The following PLPP3 variants were observed in gnomAD, a reference collection of about 807,000 sequenced individuals.
PLPP3 encodes PAP2 beta.
PLPP3 carries 6 observed loss-of-function variants against 29.6 expected under a neutral mutation model. The observed-to-expected ratio is 0.20, with a 90% CI of 0.11 to 0.40. The LOEUF (loss-of-function observed/expected upper bound fraction) is 0.40. Ranked by LOEUF, PLPP3 falls within the 10% of genes least tolerant of loss-of-function variation. PLPP3 has a pLI of 1.00. For missense variants in PLPP3, 308 were observed against 407.7 expected (o/e 0.76, Z 2.11); for synonymous variants, 152 against 159.7 (o/e 0.95, Z 0.36).
At chr1:56,564,814 G>C (rs12046509) in intron 1 of PLPP3, among the ~76,000 whole-genome samples, 6,537 of 152,244 alleles carry the variant, frequency 0.043, 342 homozygotes, top group East Asian at 0.16. Flanking sequence ...CCCTCCTGCG[G>C]TGTCACTGGA....
chr1:56,559,188 G>A (rs1202106665), intron 1 of PLPP3, among the ~76,000 whole-genome samples: 8 of 152,168 alleles, frequency 5.3e-5, no homozygotes, highest in Non-Finnish European at 1.0e-4. Flanking sequence ...AAGAAGGAGC[G>A]GGTGCGTTAG....
chr1:56,578,048 C>T (rs1646248060), intron 1 of PLPP3, among the ~76,000 whole-genome samples: 1 of 152,134 alleles, frequency 6.6e-6, no homozygotes, highest in Non-Finnish European at 1.5e-5. Context: ...ATTCCTTTAA[C>T]TCCCACCGCT....
intron 2 of PLPP3, among the ~76,000 whole-genome samples, chr1:56,528,919 T>G (rs1344052071): frequency 6.6e-6 from 1 of 151,224 alleles, no homozygotes; most frequent in Non-Finnish European, 1.5e-5. Flanking sequence ...TGTTTTGTGT[T>G]ATTTTTAACA....
intron 1 of PLPP3, 126 bp from the exon 2 acceptor site, chr1:56,537,238 C>T (rs940048012): frequency 5.5e-6 from 6 of 1,096,360 alleles, no homozygotes; most frequent in African/African-American, 1.6e-5. Flanking sequence ...GATAATCGTT[C>T]CTTCCATTTG....
chr1:56,544,928 TAA>T (rs1361402861), intron 1 of PLPP3, among the ~76,000 whole-genome samples: 3 of 152,178 alleles, frequency 2.0e-5, no homozygotes, highest in African/African-American at 7.2e-5. Context: ...TACCCAGAGT[TAA>T]GACACAGCAA....
At chr1:56,505,567 C>A (rs1645696852) in intron 5 of PLPP3, among the ~76,000 whole-genome samples, 1 of 152,196 alleles carries the variant, frequency 6.6e-6, no homozygotes, top group East Asian at 1.9e-4. Flanking sequence ...GCCTACTCAA[C>A]ATGGAAACAA....
chr1:56,552,236 A>G (rs188527228), intron 1 of PLPP3, among the ~76,000 whole-genome samples: 14,378 of 151,528 alleles, frequency 0.095, 866 homozygotes, highest in South Asian at 0.17. Context: ...AAAAAAAAAA[A>G]AAAAGAAAGA....
chr1:56,517,595 G>A (rs930922457), intron 4 of PLPP3, among the ~76,000 whole-genome samples: 2 of 152,228 alleles, frequency 1.3e-5, no homozygotes, highest in African/African-American at 4.8e-5. Flanking sequence ...CTTGCTCAAG[G>A]TAACCAAGAG....
chr1:56,563,790 T>G (rs1481230925), intron 1 of PLPP3, among the ~76,000 whole-genome samples: 1 of 152,212 alleles, frequency 6.6e-6, no homozygotes, highest in Non-Finnish European at 1.5e-5. Context: ...CATAGTGTTG[T>G]TGTGAAATCC....
rs2100265893 is a variant in PLPP3 at position 56,537,013 on chromosome 1, C to A, written c.239G>T (p.Gly80Val). The A allele has an allele frequency of 6.2e-7, 1 of 1,613,788 alleles. No homozygotes were observed. Among genetic ancestry groups the A allele is most frequent in the Non-Finnish European group, 8.5e-7 (1 of 1,179,860 alleles). ...DESIKYPLKT[G>V]ETINDAVLCA... ...GAGCACAGCGTCATTTATTGTCTCA[C>A]CAGTTTTCAGTGGGTACTTGATGCT... Residue 80 changes from glycine to valine, a missense_variant, in exon 2 of 6, where the codon GGT (glycine) becomes GTT (valine). Around this residue, in one of 3 missense-constraint regions of PLPP3, gnomAD observed 232 missense variants for 317.2 expected, o/e 0.73. Coordinates refer to ENST00000371250, the MANE Select transcript of PLPP3 (RefSeq NM_003713.5).
chr1:56,566,940 A>C (rs1393128576), intron 1 of PLPP3, among the ~76,000 whole-genome samples: 1 of 152,210 alleles, frequency 6.6e-6, no homozygotes, highest in Non-Finnish European at 1.5e-5. Flanking sequence ...AGAGGTGGGG[A>C]AAAGGGTGAA....
rs1336304261 is a variant in PLPP3, at chr1:56,579,545, T to A, written c.-529A>T. ...GCTGCCGCGGCGGCTGCTGCTGTGA[T>A]CGCCTGGGTTTGTTTTCTGCACTTT... On this transcript the variant is annotated 5_prime_UTR_variant, in exon 1 of 6. Transcript: ENST00000371250. 5.9e-6 allele frequency: 1 copy of A among 169,164 alleles called. No individual in the cohort carries two copies. The highest frequency in any genetic ancestry group is 2.4e-5 in the African/African-American group (1 of 41,530). The allele number at this position is 169,164 out of a possible 1,614,324, so 10.5% of individuals were successfully genotyped here.
intron 5 of PLPP3, 127 bp downstream of exon 5, chr1:56,511,849 G>C: frequency 8.8e-7 from 1 of 1,134,558 alleles, no homozygotes; most frequent in Non-Finnish European, 1.3e-6. Flanking sequence ...CTAAGGCCAG[G>C]TGACTCTTCA....
chr1:56,572,022 G>C (rs1340897675), intron 1 of PLPP3, among the ~76,000 whole-genome samples: 2 of 142,474 alleles, frequency 1.4e-5, no homozygotes, highest in African/African-American at 5.2e-5. Flanking sequence ...CCAGCGTTTC[G>C]ATCATTTCCA....
chr1:56,505,918 C>T (rs1569864043), intron 5 of PLPP3, among the ~76,000 whole-genome samples: 2 of 152,160 alleles, frequency 1.3e-5, no homozygotes, highest in Admixed American at 6.5e-5. Flanking sequence ...AAGATAGTGT[C>T]GTTATCTATT....
intron 1 of PLPP3, chr1:56,538,971 A>C (rs546197188): frequency 4.0e-5 from 6 of 149,558 alleles, no homozygotes; most frequent in East Asian, 1.9e-4. Flanking sequence ...AAAAAAAAAA[A>C]CACAGTGGAT....
rs1645746939 is a variant in PLPP3, at chr1:56,512,358, T to C, written c.634-206A>G. 4 of 494,854 alleles carry C rather than the reference T, an allele frequency of 8.1e-6. No homozygotes were observed. The South Asian group carries it at 1.1e-4, about 14-fold the overall frequency. 30.7% of individuals were successfully genotyped at this position (494,854 alleles called of 1,614,324 possible). ...TAGGCACGGTGGCTCACGTCTGTAA[T>C]CCCAGCACTTCGTGTGGCTGAGGTG... On this transcript the variant is annotated intron_variant, in intron 4 of 5. Coordinates refer to ENST00000371250, the MANE Select transcript of PLPP3 (RefSeq NM_003713.5).
chr1:56,556,952 G>A (rs150493852), intron 1 of PLPP3, among the ~76,000 whole-genome samples: 896 of 55,354 alleles, frequency 0.016, 9 homozygotes, highest in East Asian at 0.05. Flanking sequence ...GAGAGACAGA[G>A]AGAAAGAAAG....
chr1:56,544,984 A>G (rs1395888267), intron 1 of PLPP3, among the ~76,000 whole-genome samples: 3 of 152,168 alleles, frequency 2.0e-5, no homozygotes, highest in African/African-American at 7.2e-5. Context: ...TACATAAATC[A>G]TCACATTTGA....
Sources: gnomAD v4.1 joint callset for allele counts (sites outside exome capture counted in the v4.1 genomes callset) on GRCh38, gnomAD v4.1.1 for gene constraint, gnomAD v4.1.1 regional missense constraint, MANE v1.5 for transcripts, NCBI Gene and HGNC (gene_info 2026-07-23, HGNC 2026-07-21) for gene names.